Variants in GOLPH3L observed in about 807,000 individuals in gnomAD.
GOLPH3L encodes the protein Golgi phosphoprotein 3-like.
GOLPH3L carries 22 observed loss-of-function variants against 30.3 expected under a neutral mutation model. The observed-to-expected ratio is 0.73, with a 90% confidence interval of 0.52 to 1.04. GOLPH3L has a LOEUF of 1.04. Among genes scored for constraint, GOLPH3L ranks in the 50% least tolerant of loss-of-function variants. The pLI is 0.00. For missense variants in GOLPH3L, 303 were observed against 345.8 expected (o/e 0.88, Z 0.98); for synonymous variants, 120 against 128.2 (o/e 0.94, Z 0.43).
At chr1:150,668,040 A>T (rs1650549829) in intron 2 of GOLPH3L, among the ~76,000 whole-genome samples, 1 of 152,052 alleles carries the variant, frequency 6.6e-6, no homozygotes, top group Non-Finnish European at 1.5e-5. Flanking sequence ...CTTCTCTAAC[A>T]TTGTTTACTT....
At chr1:150,673,853 AG>A in intron 2 of GOLPH3L, among the ~76,000 whole-genome samples, 1 of 143,702 alleles carries the variant, frequency 7.0e-6, no homozygotes, top group Non-Finnish European at 1.5e-5. Context: ...TGAACCCGGG[AG>A]GTGGAGGTTG....
intron 4 of GOLPH3L, among the ~76,000 whole-genome samples, chr1:150,654,451 G>A (rs778018741): frequency 6.6e-5 from 10 of 151,722 alleles, no homozygotes; most frequent in South Asian, 2.1e-4. Flanking sequence ...AGGTTGCAGC[G>A]AGCCAAGATT....
intron 1 of GOLPH3L, 73 bp from the exon 2 acceptor site, chr1:150,694,923 C>T (rs1054562614): frequency 1.3e-6 from 1 of 750,316 alleles, no homozygotes; most frequent in African/African-American, 1.8e-5. Context: ...TACATGCATA[C>T]TAAACATCCA....
intron 2 of GOLPH3L, among the ~76,000 whole-genome samples, chr1:150,681,934 C>T (rs1650960461): frequency 1.3e-5 from 2 of 151,954 alleles, no homozygotes; most frequent in Admixed American, 6.6e-5. Flanking sequence ...GGGTATGTGG[C>T]AGGCGCCTGT....
At chr1:150,673,944 A>G (rs904288781) in intron 2 of GOLPH3L, among the ~76,000 whole-genome samples, 1 of 147,798 alleles carries the variant, frequency 6.8e-6, no homozygotes, top group African/African-American at 2.5e-5. Flanking sequence ...AAAAAAAAAG[A>G]AAAAAAATGG....
intron 4 of GOLPH3L, among the ~76,000 whole-genome samples, chr1:150,654,300 A>C (rs1008981313): frequency 6.6e-6 from 1 of 151,504 alleles, no homozygotes; most frequent in Non-Finnish European, 1.5e-5. Flanking sequence ...TGAGGTCAGG[A>C]GTTCAAGACC....
intron 2 of GOLPH3L, among the ~76,000 whole-genome samples, chr1:150,677,004 C>T (rs772629093): frequency 2.0e-5 from 3 of 151,476 alleles, no homozygotes; most frequent in Non-Finnish European, 4.4e-5. Context: ...GGGCCTCAGA[C>T]TCCCAAAGTG....
In GOLPH3L at chr1:150,646,812, A is replaced by G. The variant is rs1237137538; in HGVS notation, c.*1509T>C. The stretch of plus-strand genomic sequence containing the variant: ...AAGCACTATCCCATTAAAGTATAAT[A>G]AATGCTGAACATCAGCACAGCTCAG... On this transcript the variant is annotated 3_prime_UTR_variant, in exon 5 of 5. Transcript: ENST00000271732. 6.6e-6 allele frequency: 1 copy of G among 152,222 alleles called. No homozygotes were observed. Among genetic ancestry groups the G allele is most frequent in the Non-Finnish European group, 1.5e-5 (1 of 68,034 alleles). The allele number at this position is 152,222 out of a possible 1,614,324, so 9.4% of individuals were successfully genotyped here.
At chr1:150,663,792 A>C (rs368327881) in intron 2 of GOLPH3L, 29 bp from the exon 3 acceptor site, 2 of 1,605,644 alleles carry the variant, frequency 1.2e-6, no homozygotes, top group Non-Finnish European at 1.7e-6. Flanking sequence ...GAAGAGAAAG[A>C]ATGTTTTGAG....
At chr1:150,685,548 C>G (rs911490530) in intron 2 of GOLPH3L, among the ~76,000 whole-genome samples, 7 of 152,054 alleles carry the variant, frequency 4.6e-5, no homozygotes, top group African/African-American at 1.4e-4. Flanking sequence ...AACCCTGTCT[C>G]TACTAAAAAT....
intron 4 of GOLPH3L, among the ~76,000 whole-genome samples, chr1:150,653,352 A>G (rs1225727423): frequency 6.7e-6 from 1 of 148,476 alleles, no homozygotes; most frequent in Non-Finnish European, 1.5e-5. Flanking sequence ...CTGGAGTGCA[A>G]TGGCATGATC....
At chr1:150,657,807 C>G (rs1434559982) in intron 4 of GOLPH3L, among the ~76,000 whole-genome samples, 1 of 152,138 alleles carries the variant, frequency 6.6e-6, no homozygotes, top group Admixed American at 6.6e-5. Flanking sequence ...GTTGCAAAAA[C>G]AAAACATGGG....
intron 2 of GOLPH3L, among the ~76,000 whole-genome samples, chr1:150,680,838 T>A (rs763799247): frequency 2.6e-5 from 4 of 152,208 alleles, no homozygotes; most frequent in Admixed American, 6.5e-5. Context: ...ACATGTGTCA[T>A]GCTCTGAGTT....
At chr1:150,648,830 G>C in intron 4 of GOLPH3L, 82 bp from the exon 5 acceptor site, 1 of 819,526 alleles carries the variant, frequency 1.2e-6, no homozygotes, top group Admixed American at 2.2e-5. Context: ...AACTTGAATG[G>C]CTAAAATGTT....
Position 150,648,100 on chromosome 1 carries a change from C to G in GOLPH3L, c.*221G>C, listed in dbSNP as rs961705921. The G allele has an allele frequency of 4.0e-5, 18 of 451,718 alleles. No homozygotes were observed. Among genetic ancestry groups the G allele is most frequent in the Middle Eastern group, 5.6e-4 (1 of 1,782 alleles). The allele number at this position is 451,718 out of a possible 1,614,324, so 28.0% of individuals were successfully genotyped here. On this transcript the variant is annotated 3_prime_UTR_variant, in exon 5 of 5. Coordinates refer to ENST00000271732, the MANE Select transcript of GOLPH3L (RefSeq NM_018178.6). ...TTCATTGGGTGTGTGTGGCTTCACC[C>G]AGTTTATTTACCTATGGAGTGGAAG...
intron 4 of GOLPH3L, among the ~76,000 whole-genome samples, chr1:150,651,880 GAA>G (rs1650112866): frequency 6.6e-6 from 1 of 151,532 alleles, no homozygotes; most frequent in Non-Finnish European, 1.5e-5. Context: ...GGAAAGGAGA[GAA>G]AGAGGCAGAA....
At chr1:150,676,233 C>G (rs1650773474) in intron 2 of GOLPH3L, among the ~76,000 whole-genome samples, 1 of 152,074 alleles carries the variant, frequency 6.6e-6, no homozygotes, top group South Asian at 2.1e-4. Context: ...CTTGGCCTCT[C>G]AAAGTGCTGG....
intron 2 of GOLPH3L, among the ~76,000 whole-genome samples, chr1:150,693,819 G>GTGTATATATA (rs1166804199): frequency 3.5e-5 from 3 of 86,864 alleles, no homozygotes; most frequent in African/African-American, 1.0e-4. Flanking sequence ...GTGTGTGTGT[G>GTGTATATATA]TATATATATA....
chr1:150,685,265 T>G (rs1226407451), intron 2 of GOLPH3L, among the ~76,000 whole-genome samples: 1 of 152,348 alleles, frequency 6.6e-6, no homozygotes, highest in African/African-American at 2.4e-5. Flanking sequence ...ATGTTTTTTA[T>G]AGGATCCCAA....
Sources: allele counts gnomAD v4.1 joint callset (sites outside exome capture counted in the v4.1 genomes callset), GRCh38; gene constraint gnomAD v4.1.1; transcripts MANE v1.5; gene names NCBI Gene and HGNC (gene_info 2026-07-23, HGNC 2026-07-21).